DPP9: variants seen among roughly 807,000 people sequenced by gnomAD.
DPP9 encodes the protein dipeptidyl peptidase 9, also known as dipeptidyl peptidase IV-related protein-2.
Under a neutral mutation model 110.7 loss-of-function variants are expected in DPP9, and 50 were observed. The observed-to-expected ratio is 0.45, with a 90% confidence interval of 0.36 to 0.57. DPP9 has a LOEUF of 0.57. Ranked by LOEUF, DPP9 falls within the 20% of genes least tolerant of loss-of-function variation. The pLI is 0.00. For synonymous variants in DPP9, 561 were observed against 514.4 expected, an observed-to-expected ratio of 1.09 and a Z score of -1.23; for missense variants, 1,022 against 1,217.9, an observed-to-expected ratio of 0.84 and a Z score of 2.39.
intron 21 of DPP9, among the ~76,000 whole-genome samples, chr19:4,678,607 T>G (rs2089257164): frequency 6.6e-6 from 1 of 151,894 alleles, no homozygotes; most frequent in Non-Finnish European, 1.5e-5. Context: ...CTGCCTGATA[T>G]CACTCCCTGG....
chr19:4,686,469 G>A (rs544626803), intron 16 of DPP9, among the ~76,000 whole-genome samples: 8 of 151,978 alleles, frequency 5.3e-5, no homozygotes, highest in African/African-American at 1.4e-4. Context: ...ACAGGTGCGC[G>A]CCACCACATT....
intron 3 of DPP9, chr19:4,717,687 A>G (rs1052009931): frequency 1.3e-5 from 2 of 152,272 alleles, no homozygotes; most frequent in Non-Finnish European, 2.9e-5. Context: ...AAACATCGCG[A>G]GAAACTTCCA....
In DPP9 at chr19:4,684,272, G is replaced by C; in HGVS notation, c.2178+391C>G. ...CTGACCAGGCAACCTCGTGGGAACAGAGAGCAGCCCTCCCCGACACAGCCC... is the reference window on the plus strand; with the variant it reads ...CTGACCAGGCAACCTCGTGGGAACACAGAGCAGCCCTCCCCGACACAGCCC... On this transcript the variant is annotated intron_variant, in intron 18 of 21. Transcript: ENST00000262960. The surrounding 1 kb of genome is among the most constrained non-coding windows in gnomAD (Gnocchi z 4.8). 1 of 281,304 alleles carries C rather than the reference G, an allele frequency of 3.6e-6. No individual in the cohort carries two copies. The highest frequency in any genetic ancestry group is 6.9e-6 in the Non-Finnish European group (1 of 145,030). The allele number at this position is 281,304 out of a possible 1,614,324, so 17.4% of individuals were successfully genotyped here.
At position 4,710,787 on chromosome 19, in the gene DPP9, G is replaced by A. The variant is rs139335269; in HGVS notation, c.313+3294C>T. 7.2e-4 allele frequency among the ~76,000 whole-genome samples: 110 copies of A among 152,296 alleles called. No homozygotes were observed. The highest frequency in any genetic ancestry group is 2.5e-3 in the African/African-American group (105 of 41,588). On this transcript the variant is annotated intron_variant, in intron 4 of 21. Coordinates refer to ENST00000262960, the MANE Select transcript of DPP9 (RefSeq NM_139159.5). The surrounding 1 kb of genome is among the most constrained non-coding windows in gnomAD (Gnocchi z 5.6). ...TCAGTGCTGCCCCTGACAGTGTGAA[G>A]TGACAGCCTGGAGTCGTTGAAGGGT...
At chr19:4,706,029 C>T in intron 4 of DPP9, 59 bp from the exon 5 acceptor site, 1 of 1,484,294 alleles carries the variant, frequency 6.7e-7, no homozygotes, top group Non-Finnish European at 9.3e-7. Context: ...GGGAGACGCC[C>T]TCAGCCTGCA....
chr19:4,714,156 T>G lies in DPP9; in HGVS notation c.238A>C (p.Lys80Gln). The G allele has an allele frequency of 6.2e-7, 1 of 1,613,162 alleles. No individual in the cohort carries two copies. Among genetic ancestry groups the G allele is most frequent in the East Asian group, 2.2e-5 (1 of 44,822 alleles). Residue 80 changes from lysine (K) to glutamine (Q), a missense_variant, in exon 4 of 22, where the codon AAG becomes CAG. Coordinates refer to ENST00000262960, the MANE Select transcript of DPP9 (RefSeq NM_139159.5). ...ACAAACTGGAAGTCGTGGGGCGCCT[T>G]GTTGACAATGAGGCCCGAGTACTTG... The part of the protein sequence containing the change: ...SRKYSGLIVN[K>Q]APHDFQFVQK...
chr19:4,699,523 G>A (rs946614028), intron 10 of DPP9, among the ~76,000 whole-genome samples: 12 of 152,148 alleles, frequency 7.9e-5, no homozygotes, highest in African/African-American at 2.7e-4. Context: ...GATATGCTGG[G>A]CTGCAGGGGG....
At chr19:4,702,435 T>C (rs1040422617) in intron 8 of DPP9, among the ~76,000 whole-genome samples, 168 bp downstream of exon 8, 7 of 152,120 alleles carry the variant, frequency 4.6e-5, no homozygotes, top group Non-Finnish European at 1.0e-4. Context: ...TGTCCCCTCT[T>C]AGGGCAACAG....
At position 4,695,900 on chromosome 19, in the gene DPP9, T is replaced by C. The variant is rs150511188; in HGVS notation, c.1176-345A>G. ...CGTAGTTTGCTTTATTTTATTTATTTATTTCTTTATTTAATTTTTTGAGAC... is the reference window on the plus strand; with the variant it reads ...CGTAGTTTGCTTTATTTTATTTATTCATTTCTTTATTTAATTTTTTGAGAC... On this transcript the variant is annotated intron_variant, in intron 11 of 21. Coordinates refer to ENST00000262960, the MANE Select transcript of DPP9 (RefSeq NM_139159.5). This position sits in a 1 kb window ranked among gnomAD's most constrained non-coding sequence, Gnocchi z 4.7. Among the ~76,000 whole-genome samples, 58 of 152,314 alleles carry C rather than the reference T, an allele frequency of 3.8e-4. 1 individual carries two copies. Among genetic ancestry groups the C allele is most frequent in the African/African-American group, 1.4e-3 (58 of 41,572 alleles).
chr19:4,716,330 C>T (rs772664885), intron 3 of DPP9, among the ~76,000 whole-genome samples: 7 of 152,086 alleles, frequency 4.6e-5, no homozygotes, highest in Non-Finnish European at 7.4e-5. Flanking sequence ...AGGATGTCAA[C>T]GAGCGCCTTT....
intron 11 of DPP9, among the ~76,000 whole-genome samples, chr19:4,696,198 G>C (rs573382132): frequency 6.6e-6 from 1 of 152,110 alleles, no homozygotes; most frequent in Non-Finnish European, 1.5e-5. Context: ...ACCGCACCTG[G>C]CCTAAATGAA....
chr19:4,717,274 G>A (rs919151735), intron 3 of DPP9, among the ~76,000 whole-genome samples: 3 of 152,138 alleles, frequency 2.0e-5, no homozygotes, highest in African/African-American at 7.2e-5. Flanking sequence ...GGATGTCCGC[G>A]CCCACTGCAG....
At chr19:4,708,008 AT>A (rs2145818407) in intron 4 of DPP9, among the ~76,000 whole-genome samples, 1 of 152,176 alleles carries the variant, frequency 6.6e-6, no homozygotes, top group African/African-American at 2.4e-5. Context: ...TATCTGTGCC[AT>A]TTTTATTTCT....
Position 4,693,650 on chromosome 19 carries a change from A to G in DPP9, c.1516+1011T>C, listed in dbSNP as rs1265448854. On this transcript the variant is annotated intron_variant, in intron 13 of 21. Transcript: ENST00000262960. The surrounding 1 kb of genome is among the most constrained non-coding windows in gnomAD (Gnocchi z 5.0). ...AGGACAGCTCAGCCACTGCCATGAC[A>G]GCAAGCCTGTCGCCTCTCCCGGCCC... Among the ~76,000 whole-genome samples, 3 of 152,080 alleles carry G rather than the reference A, an allele frequency of 2.0e-5. No homozygotes were observed. The East Asian group carries it at 5.8e-4, about 29-fold the overall frequency.
Position 4,689,780 on chromosome 19 carries a change from CT to C in DPP9, c.1597-59del. On this transcript the variant is annotated intron_variant, in intron 14 of 21. Transcript: ENST00000262960. The surrounding 1 kb of genome is among the most constrained non-coding windows in gnomAD (Gnocchi z 7.0). ...CCCAGATGCCCCTGGGCCCACACCC[CT>C]CTCCACGCCCCACAGGAGTGGGCCC... 6.7e-7 allele frequency: 1 copy of C among 1,493,088 alleles called. No homozygotes were observed. The highest frequency in any genetic ancestry group is 9.0e-7 in the Non-Finnish European group (1 of 1,111,852). The allele number at this position is 1,493,088 out of a possible 1,614,324, so 92.5% of individuals were successfully genotyped here.
In DPP9 at chr19:4,697,890, G is replaced by T. The variant is rs75586752; in HGVS notation, c.1075-239C>A. 5.2e-3 allele frequency among the ~76,000 whole-genome samples: 791 copies of T among 152,274 alleles called. 6 individuals carry two copies. The highest frequency in any genetic ancestry group is 0.017 in the Middle Eastern group (5 of 294). Reference sequence around the variant, plus strand: ...TCCAGCATGACTGCTGTCCTTACAGGGGGACACATAGACATAGACACATAG... The same window carrying T: ...TCCAGCATGACTGCTGTCCTTACAGTGGGACACATAGACATAGACACATAG... On this transcript the variant is annotated intron_variant, in intron 10 of 21. Transcript: ENST00000262960.
At position 4,676,773 on chromosome 19, in the gene DPP9, T is replaced by C; in HGVS notation, c.2587-117A>G. On this transcript the variant is annotated intron_variant, in intron 21 of 21. Transcript: ENST00000262960. The surrounding 1 kb of genome is among the most constrained non-coding windows in gnomAD (Gnocchi z 4.0). ...AAGGCGCAGGTGCTCTGAGGCCCAG[T>C]GATCTGGGTTTGAATCCCACCTCGG... is the stretch of plus-strand genomic sequence containing the variant. 2.5e-6 allele frequency: 2 copies of C among 801,372 alleles called. No individual in the cohort carries two copies. The highest frequency in any genetic ancestry group is 1.5e-5 in the South Asian group (1 of 66,744). 49.6% of individuals were successfully genotyped at this position (801,372 alleles called of 1,614,324 possible).
In DPP9 at chr19:4,718,045, T is replaced by C. The variant is rs781552426; in HGVS notation, c.56+1806A>G. Among the ~76,000 whole-genome samples, 1 of 152,270 alleles carries C rather than the reference T, an allele frequency of 6.6e-6. No individual in the cohort carries two copies. Among genetic ancestry groups the C allele is most frequent in the Non-Finnish European group, 1.5e-5 (1 of 68,044 alleles). ...CAGCTCCAGACCTCCTAGCATGGTC[T>C]CTGTCAAGGCTGGGTGGCAGATCTG... On this transcript the variant is annotated intron_variant, in intron 3 of 21. Coordinates refer to ENST00000262960, the MANE Select transcript of DPP9 (RefSeq NM_139159.5). The surrounding 1 kb of genome is among the most constrained non-coding windows in gnomAD (Gnocchi z 4.3).
In DPP9 at chr19:4,700,116, C is replaced by T. The variant is rs950527044; in HGVS notation, c.1074+100G>A. 6 of 999,060 alleles carry T rather than the reference C, an allele frequency of 6.0e-6. No homozygotes were observed. In the East Asian group the frequency reaches 1.2e-4, roughly 21 times the overall value. The allele number at this position is 999,060 out of a possible 1,614,324, so 61.9% of individuals were successfully genotyped here. A position where few individuals can be genotyped will look rare whatever the true frequency, so the allele number is the denominator to read the frequency against. ...CAGGGCTGGGGCCTGGGGAGTGCCC[C>T]CGAGAGGGAGGTGAGTGACCTGCCC... On this transcript the variant is annotated intron_variant, in intron 10 of 21. Coordinates refer to ENST00000262960, the MANE Select transcript of DPP9 (RefSeq NM_139159.5). The surrounding 1 kb of genome is among the most constrained non-coding windows in gnomAD (Gnocchi z 4.3).
Sources: allele counts gnomAD v4.1 joint callset (sites outside exome capture counted in the v4.1 genomes callset), GRCh38; gene constraint gnomAD v4.1.1; non-coding constraint Gnocchi (gnomAD v3.1); transcripts MANE v1.5; gene names NCBI Gene and HGNC (gene_info 2026-07-23, HGNC 2026-07-21).